The following CD96 variants were observed in gnomAD, a reference collection of about 807,000 sequenced individuals.
CD96 encodes T-cell surface protein tactile.
In CD96, 70 loss-of-function variants were observed where a neutral mutation model predicts 71.3. The observed-to-expected ratio is 0.98, with a 90% CI of 0.81 to 1.20. CD96 has a LOEUF of 1.20. Among genes scored for constraint, CD96 ranks in the 50% most tolerant of loss-of-function variants. CD96 has a pLI of 0.00. For missense variants in CD96, 742 were observed against 677.5 expected, an observed-to-expected ratio of 1.10 and a Z score of -1.06; for synonymous variants, 248 against 233.0, an observed-to-expected ratio of 1.06 and a Z score of -0.59.
Position 111,647,645 on chromosome 3 carries a change from G to T in CD96, c.1580G>T (p.Trp527Leu). The T allele has an allele frequency of 6.2e-7, 1 of 1,610,020 alleles. No homozygotes were observed. Among genetic ancestry groups the T allele is most frequent in the Non-Finnish European group, 8.5e-7 (1 of 1,176,516 alleles). ...TTGTTTGGTCTTGGAGTGAGAAAAT[G>T]GTGTCAGTACCAAAAAGAAATGTGA... Reference protein sequence around the residue: ...MILFGLGVRKWCQYQKEIMER... With the variant: ...MILFGLGVRKLCQYQKEIMER... The change falls in exon 13 of 14, where the codon TGG becomes TTG. Residue 527 changes from tryptophan (W) to leucine (L), a missense_variant. Transcript: ENST00000352690.
intron 6 of CD96, among the ~76,000 whole-genome samples, chr3:111,600,407 T>C (rs1371273955): frequency 6.6e-6 from 1 of 152,220 alleles, no homozygotes; most frequent in Admixed American, 6.5e-5. Flanking sequence ...AAATTATCAG[T>C]CTCACAGTTG....
At chr3:111,642,911 C>T (rs554729358) in intron 12 of CD96, among the ~76,000 whole-genome samples, 10 of 142,392 alleles carry the variant, frequency 7.0e-5, no homozygotes, top group Non-Finnish European at 1.2e-4. Context: ...GAATTGGTAC[C>T]AATCCTATTG....
chr3:111,644,929 C>T (rs1484947648), intron 12 of CD96, among the ~76,000 whole-genome samples: 1 of 152,172 alleles, frequency 6.6e-6, no homozygotes, highest in Non-Finnish European at 1.5e-5. Flanking sequence ...TAAACTAGTA[C>T]AGCCACTATA....
chr3:111,618,621 G>T (rs930341869), intron 8 of CD96, among the ~76,000 whole-genome samples: 6 of 122,296 alleles, frequency 4.9e-5, no homozygotes, highest in East Asian at 4.8e-4. Context: ...GTCTCGCTCT[G>T]TTGCCCAGGC....
At chr3:111,622,715 A>G (rs1291505536) in intron 8 of CD96, among the ~76,000 whole-genome samples, 1 of 152,248 alleles carries the variant, frequency 6.6e-6, no homozygotes, top group Non-Finnish European at 1.5e-5. Context: ...GATACTTTAC[A>G]CAATTATACA....
intron 2 of CD96, among the ~76,000 whole-genome samples, chr3:111,556,704 A>T (rs966549298): frequency 6.8e-6 from 1 of 146,468 alleles, no homozygotes; most frequent in Non-Finnish European, 1.5e-5. Context: ...ATTTATAGTC[A>T]TTTGGGTATA....
downstream of CD96, among the ~76,000 whole-genome samples, chr3:111,657,102 C>T (rs1363820876): frequency 6.6e-6 from 1 of 151,716 alleles, no homozygotes; most frequent in Non-Finnish European, 1.5e-5. Flanking sequence ...AAAGAAAAAA[C>T]TAATCCAGGC....
rs911419498 is a variant in CD96, at chr3:111,585,955, C to T, written c.807+577C>T. 3.3e-5 allele frequency among the ~76,000 whole-genome samples: 5 copies of T among 152,246 alleles called. No homozygotes were observed. The East Asian group carries it at 7.7e-4, about 24-fold the overall frequency. ...CAGCCTGTAGTCACTAGGATCTGGACTCAATTTCTCGCTCTTTCTCTTGCG... is the reference window on the plus strand; with the variant it reads ...CAGCCTGTAGTCACTAGGATCTGGATTCAATTTCTCGCTCTTTCTCTTGCG... On this transcript the variant is annotated intron_variant, in intron 5 of 13. Transcript: ENST00000352690.
At chr3:111,606,956 A>G in intron 8 of CD96, 164 bp downstream of exon 8, 1 of 679,742 alleles carries the variant, frequency 1.5e-6, no homozygotes, top group African/African-American at 1.8e-5. Flanking sequence ...AATTCACGTC[A>G]CATTAACTTG....
In CD96 at chr3:111,664,423, C is replaced by T. The variant is rs1940433033; in HGVS notation, c.*53-1104C>T. ...AATGCAGGAACAGGAAAAAAAAATA[C>T]CACGTGTTCTCACTTATAAGTGGGA... On this transcript the variant is annotated intron_variant and NMD_transcript_variant, in intron 14 of 14. Coordinates refer to the CD96 transcript ENST00000494798. 3.3e-5 allele frequency among the ~76,000 whole-genome samples: 5 copies of T among 152,006 alleles called. No individual in the cohort carries two copies. In the South Asian group the frequency reaches 1.0e-3, roughly 32 times the overall value.
intron 3 of CD96, chr3:111,577,452 A>G (rs967392306): frequency 7.6e-7 from 1 of 1,307,272 alleles, no homozygotes; most frequent in Non-Finnish European, 1.1e-6. Flanking sequence ...GGGGGATCCT[A>G]TCTCTGTAAT....
At chr3:111,551,781 A>T (rs1317524291) in intron 2 of CD96, among the ~76,000 whole-genome samples, 1 of 152,084 alleles carries the variant, frequency 6.6e-6, no homozygotes, top group African/African-American at 2.4e-5. Flanking sequence ...ATGATTTATA[A>T]CAGAATGATT....
At chr3:111,566,651 G>A (rs1404921510) in intron 2 of CD96, among the ~76,000 whole-genome samples, 1 of 152,096 alleles carries the variant, frequency 6.6e-6, no homozygotes, top group Non-Finnish European at 1.5e-5. Context: ...CTATAGTTTA[G>A]TCACAAATTT....
At chr3:111,618,206 G>A (rs537986685) in intron 8 of CD96, among the ~76,000 whole-genome samples, 74 of 152,308 alleles carry the variant, frequency 4.9e-4, no homozygotes, top group Admixed American at 2.9e-3. Context: ...CACAGACCAA[G>A]CACAGCCTGC....
chr3:111,577,124 C>T (rs1276773376), intron 3 of CD96, among the ~76,000 whole-genome samples: 1 of 152,200 alleles, frequency 6.6e-6, no homozygotes, highest in African/African-American at 2.4e-5. Context: ...CACCTAGTCA[C>T]AATCTGCTAT....
At chr3:111,660,086 C>G (rs1418919503) in intron 14 of CD96, among the ~76,000 whole-genome samples, 1 of 152,198 alleles carries the variant, frequency 6.6e-6, no homozygotes, top group Non-Finnish European at 1.5e-5. Context: ...GTCAAACTAT[C>G]TCTCTTCACT....
At chr3:111,612,500 C>A (rs1938002249) in intron 8 of CD96, among the ~76,000 whole-genome samples, 1 of 152,172 alleles carries the variant, frequency 6.6e-6, no homozygotes, top group South Asian at 2.1e-4. Context: ...ATGGACTGTT[C>A]TAAACTAGTA....
At chr3:111,622,123 C>A (rs935939708) in intron 8 of CD96, among the ~76,000 whole-genome samples, 1 of 152,168 alleles carries the variant, frequency 6.6e-6, no homozygotes, top group Non-Finnish European at 1.5e-5. Flanking sequence ...TACTATCACA[C>A]TCTGTATTTC....
intron 14 of CD96, among the ~76,000 whole-genome samples, chr3:111,664,087 G>C (rs186935626): frequency 6.6e-6 from 1 of 152,154 alleles, no homozygotes; most frequent in Non-Finnish European, 1.5e-5. Context: ...GTTAGTCACC[G>C]TGGAAAGCAG....
Sources: allele counts gnomAD v4.1 joint callset (sites outside exome capture counted in the v4.1 genomes callset), GRCh38; gene constraint gnomAD v4.1.1; transcripts MANE v1.5; gene names NCBI Gene and HGNC (gene_info 2026-07-23, HGNC 2026-07-21).